NOTCH3: variants seen among roughly 807,000 people sequenced by gnomAD.
NOTCH3 encodes notch receptor 3, also known as neurogenic locus notch homolog protein 3.
In NOTCH3, 86 loss-of-function variants were observed where a neutral mutation model predicts 213.3. The ratio of observed to expected loss-of-function variants is 0.40; its 90% CI spans 0.34 to 0.48. The LOEUF is 0.48. NOTCH3 is among the 20% of genes least tolerant of loss of function. The probability of loss-of-function intolerance (pLI) is 0.57; values close to 1 mark genes in which losing one functional copy is unlikely to be tolerated. For missense variants in NOTCH3, 2,783 were observed against 3,272.6 expected (o/e 0.85, Z 3.65); for synonymous variants, 1,354 against 1,355.9 (o/e 1.00, Z 0.03).
At chr19:15,174,470 T>C in intron 24 of NOTCH3, 70 bp from the exon 25 acceptor site, 4 of 1,135,822 alleles carry the variant, frequency 3.5e-6, no homozygotes, top group Non-Finnish European at 5.0e-6. Flanking sequence ...TTCCATGCAT[T>C]CACACCGTAG....
chr19:15,178,988 G>A (rs775124165), intron 22 of NOTCH3, 37 bp downstream of exon 22: 1 of 1,614,168 alleles, frequency 6.2e-7, no homozygotes, highest in Non-Finnish European at 8.5e-7. Flanking sequence ...GGGAATGACA[G>A]GCGGGGTCCC....
At chr19:15,200,732 T>A in intron 1 of NOTCH3, 56 bp downstream of exon 1, 1 of 1,194,196 alleles carries the variant, frequency 8.4e-7, no homozygotes, top group Non-Finnish European at 1.0e-6. Flanking sequence ...GCCTTGGGGG[T>A]TCTTGCACTC....
chr19:15,184,533 C>A (rs2145428082), intron 15 of NOTCH3, 83 bp from the exon 16 acceptor site: 1 of 1,417,930 alleles, frequency 7.1e-7, no homozygotes, highest in Non-Finnish European at 9.9e-7. Context: ...GAAGAACCTG[C>A]AGGCCGAGAT....
chr19:15,194,828 A>G (rs2145447317), intron 2 of NOTCH3, among the ~76,000 whole-genome samples: 1 of 152,114 alleles, frequency 6.6e-6, no homozygotes, highest in Middle Eastern at 3.4e-3. Context: ...GTGGTGGCAC[A>G]TGCCTGTAAT....
chr19:15,160,483 G>T lies in NOTCH3; in HGVS notation c.*179C>A, dbSNP rs866362390. ...GTAGCCCCCACCCATTATAAATAAA[G>T]GAAGACTGAAGCCCTGGGCTGATGA... On this transcript the variant is annotated 3_prime_UTR_variant, in exon 33 of 33. Coordinates refer to ENST00000263388, the MANE Select transcript of NOTCH3 (RefSeq NM_000435.3). The T allele has an allele frequency of 9.3e-5, 61 of 654,668 alleles. 1 individual carries two copies. In the Middle Eastern group the frequency reaches 1.2e-3, roughly 13 times the overall value. 40.6% of individuals were successfully genotyped at this position (654,668 alleles called of 1,614,324 possible). A position where few individuals can be genotyped will look rare whatever the true frequency, so the allele number is the denominator to read the frequency against.
At chr19:15,184,596 TGCA>T (rs1376899261) in intron 15 of NOTCH3, 146 bp from the exon 16 acceptor site, 2 of 782,828 alleles carry the variant, frequency 2.6e-6, no homozygotes, top group African/African-American at 3.4e-5. Context: ...ATTTTGCATA[TGCA>T]GTTTCAGAAT....
At chr19:15,177,423 C>A (rs989678958) in intron 24 of NOTCH3, 102 bp downstream of exon 24, 2 of 1,069,928 alleles carry the variant, frequency 1.9e-6, no homozygotes, top group East Asian at 2.6e-5. Flanking sequence ...GAGAAACAGA[C>A]GGGGCAAGTG....
intron 25 of NOTCH3, among the ~76,000 whole-genome samples, chr19:15,172,309 A>T (rs758721527): frequency 2.6e-5 from 4 of 152,030 alleles, no homozygotes; most frequent in African/African-American, 9.7e-5. Context: ...CATGGCTTCA[A>T]TGATCATCAA....
chr19:15,192,046 G>T lies in NOTCH3; in HGVS notation c.593C>A (p.Ala198Glu), dbSNP rs140914494. ...GYTGPLCENP[A>E]VPCAPSPCRN... ...GCATGGTGAGGGTGCACAGGGCACCGCGGGGTTCTCACATAGTGGCCCTGT... is the reference window on the plus strand; with the variant it reads ...GCATGGTGAGGGTGCACAGGGCACCTCGGGGTTCTCACATAGTGGCCCTGT... The change falls in exon 4 of 33, where the codon GCG becomes GAG. Residue 198 changes from alanine to glutamate, a missense_variant. This residue lies in a region of NOTCH3 where 708 missense variants were observed against 906.6 expected (regional missense o/e 0.78). Transcript: ENST00000263388. 1.2e-6 allele frequency: 2 copies of T among 1,612,952 alleles called. No homozygotes were observed. The highest frequency in any genetic ancestry group is 1.7e-6 in the Non-Finnish European group (2 of 1,179,978).
At chr19:15,184,593 A>G (rs1277253128) in intron 15 of NOTCH3, 143 bp from the exon 16 acceptor site, 8 of 796,294 alleles carry the variant, frequency 1.0e-5, no homozygotes, top group Non-Finnish European at 1.4e-5. Context: ...GGCATTTTGC[A>G]TATGCAGTTT....
At chr19:15,188,019 G>A in intron 9 of NOTCH3, 25 bp from the exon 10 acceptor site, 1 of 1,533,012 alleles carries the variant, frequency 6.5e-7, no homozygotes, top group Middle Eastern at 1.7e-4. Context: ...GGGATGAGCA[G>A]AGGCCCAGAA....
chr19:15,159,304 C>T lies in NOTCH3; in HGVS notation c.*1358G>A, dbSNP rs2046621189. 6.4e-6 allele frequency: 1 copy of T among 156,068 alleles called. No individual in the cohort carries two copies. The highest frequency in any genetic ancestry group is 2.4e-5 in the African/African-American group (1 of 41,502). 9.7% of individuals were successfully genotyped at this position (156,068 alleles called of 1,614,324 possible). On this transcript the variant is annotated 3_prime_UTR_variant, in exon 33 of 33. Coordinates refer to ENST00000263388, the MANE Select transcript of NOTCH3 (RefSeq NM_000435.3). ...CTGAATATTAGCTTCATTCTTCTGC[C>T]CTGTTTGCTTGTCTCTTTGCCCACC... is the stretch of plus-strand genomic sequence containing the variant.
In NOTCH3 at chr19:15,162,571, T is replaced by C. The variant is rs755711304; in HGVS notation, c.5816-9A>G. Reference sequence around the variant, plus strand: ...GTGTAAGGCTGATTTCCCTGGAGGATGAAGGGGAGAGAGGTCAGGACCAGG... The same window carrying C: ...GTGTAAGGCTGATTTCCCTGGAGGACGAAGGGGAGAGAGGTCAGGACCAGG... On this transcript the variant is annotated splice_polypyrimidine_tract_variant and intron_variant, in intron 31 of 32. Coordinates refer to ENST00000263388, the MANE Select transcript of NOTCH3 (RefSeq NM_000435.3). 38 of 1,610,390 alleles carry C rather than the reference T, an allele frequency of 2.4e-5. No individual in the cohort carries two copies. In the East Asian group the frequency reaches 7.6e-4, roughly 32 times the overall value.
At chr19:15,170,003 G>T in intron 28 of NOTCH3, 83 bp downstream of exon 28, 1 of 756,164 alleles carries the variant, frequency 1.3e-6, no homozygotes, top group Non-Finnish European at 2.3e-6. Context: ...CCCTGATCAC[G>T]CCCATCATCC....
chr19:15,166,174 C>CT, intron 29 of NOTCH3, 83 bp from the exon 30 acceptor site: 1 of 1,202,994 alleles, frequency 8.3e-7, no homozygotes, highest in Non-Finnish European at 1.2e-6. Context: ...CCATTAGGAG[C>CT]TAATGGGACA....
chr19:15,191,818 G>A lies in NOTCH3; in HGVS notation c.729C>T (p.His243=). 6.2e-7 allele frequency: 1 copy of A among 1,613,978 alleles called. No homozygotes were observed. The highest frequency in any genetic ancestry group is 8.5e-7 in the Non-Finnish European group (1 of 1,180,034). ...CGCATGTCCCCCCATTGAGACATCG[G>A]TGTCCTGGACAGTCGTCCACGTTCA... ...CEVNVDDCPG[H]RCLNGGTCVD... Residue 243 remains histidine, a synonymous_variant, in exon 5 of 33, where the codon CAC becomes CAT. Transcript: ENST00000263388.
chr19:15,199,898 G>A (rs2145455435), intron 1 of NOTCH3, among the ~76,000 whole-genome samples: 1 of 152,160 alleles, frequency 6.6e-6, no homozygotes, highest in African/African-American at 2.4e-5. Context: ...GCCTCCCGTA[G>A]CGGTGAGGGG....
At chr19:15,178,597 C>T (rs1379336649) in intron 23 of NOTCH3, 6 of 595,116 alleles carry the variant, frequency 1.0e-5, no homozygotes, top group Non-Finnish European at 1.8e-5. Context: ...GTTGCCCAGG[C>T]TGGTCTCTAA....
At chr19:15,186,379 ATGTGTGTGTG>A (rs36233245) in intron 12 of NOTCH3, among the ~76,000 whole-genome samples, 40,052 of 138,216 alleles carry the variant, frequency 0.29, 6,552 homozygotes, top group East Asian at 0.49. Flanking sequence ...TTGTTTTTGT[ATGTGTGTGTG>A]TGTGTGTGTG....
Sources: gnomAD v4.1 joint callset for allele counts (sites outside exome capture counted in the v4.1 genomes callset) on GRCh38, gnomAD v4.1.1 for gene constraint, gnomAD v4.1.1 regional missense constraint, MANE v1.5 for transcripts, NCBI Gene and HGNC (gene_info 2026-07-23, HGNC 2026-07-21) for gene names.